The following LAMA2 variants were observed in gnomAD, a reference collection of about 807,000 sequenced individuals.
LAMA2 encodes the protein laminin subunit alpha-2.
LAMA2 carries 269 observed loss-of-function variants against 364.8 expected under a neutral mutation model. That is an observed-to-expected ratio of 0.74 (90% CI 0.67 to 0.82). The LOEUF is 0.82. LAMA2 is among the 40% of genes least tolerant of loss of function. The pLI is 0.00. For missense variants in LAMA2, 3,807 were observed against 3,873.2 expected, an observed-to-expected ratio of 0.98 and a Z score of 0.45; for synonymous variants, 1,379 against 1,370.6, an observed-to-expected ratio of 1.01 and a Z score of -0.14.
In LAMA2 at chr6:129,398,095, G is replaced by A. The variant is rs571920191; in HGVS notation, c.5446-3129G>A. Among the ~76,000 whole-genome samples, 21 of 152,158 alleles carry A rather than the reference G, an allele frequency of 1.4e-4. No homozygotes were observed. The East Asian group carries it at 1.9e-3, about 14-fold the overall frequency. On this transcript the variant is annotated intron_variant, in intron 37 of 64. Coordinates refer to ENST00000421865, the MANE Select transcript of LAMA2 (RefSeq NM_000426.4). ...ATATATAGCTCTTCAATTAACACACGTGTGGAAATATCTTCCCTGTTTCCA... is the reference window on the plus strand; with the variant it reads ...ATATATAGCTCTTCAATTAACACACATGTGGAAATATCTTCCCTGTTTCCA...
chr6:129,355,901 G>C (rs1377061689), intron 32 of LAMA2, among the ~76,000 whole-genome samples: 2 of 152,268 alleles, frequency 1.3e-5, no homozygotes, highest in South Asian at 4.1e-4. Context: ...ACCTAAGCCT[G>C]ATCATTGTGT....
At chr6:128,912,706 AAAAGT>A (rs1462298748) in intron 1 of LAMA2, among the ~76,000 whole-genome samples, 2 of 152,238 alleles carry the variant, frequency 1.3e-5, no homozygotes, top group African/African-American at 4.8e-5. Context: ...TAGTAGGGAA[AAAAGT>A]AAGTGTATGT....
chr6:129,086,026 T>C (rs1328601574), intron 3 of LAMA2, among the ~76,000 whole-genome samples: 1 of 152,198 alleles, frequency 6.6e-6, no homozygotes, highest in African/African-American at 2.4e-5. Flanking sequence ...TTATTTACAC[T>C]CTTCACACTT....
chr6:129,156,786 G>A (rs980840892), intron 8 of LAMA2, among the ~76,000 whole-genome samples: 1 of 152,034 alleles, frequency 6.6e-6, no homozygotes, highest in South Asian at 2.1e-4. Context: ...TTTGGCCTTG[G>A]CATCAGCTTT....
At chr6:129,108,558 C>T (rs1328366581) in intron 4 of LAMA2, among the ~76,000 whole-genome samples, 2 of 151,702 alleles carry the variant, frequency 1.3e-5, no homozygotes, top group Non-Finnish European at 2.9e-5. Context: ...CGCCCCTCTA[C>T]ACACCCCACC....
intron 3 of LAMA2, among the ~76,000 whole-genome samples, chr6:129,077,115 G>A (rs1050415113): frequency 1.3e-5 from 2 of 151,904 alleles, no homozygotes; most frequent in African/African-American, 2.4e-5. Context: ...TACAGTTGTG[G>A]GCTAGAATAT....
At chr6:129,035,319 AGT>A (rs1786556261) in intron 1 of LAMA2, among the ~76,000 whole-genome samples, 1 of 142,340 alleles carries the variant, frequency 7.0e-6, no homozygotes, top group African/African-American at 2.6e-5. Context: ...TTTTTTTAGA[AGT>A]GTCTGTTAAT....
intron 32 of LAMA2, among the ~76,000 whole-genome samples, chr6:129,364,331 C>T (rs1292391144): frequency 6.6e-6 from 1 of 152,102 alleles, no homozygotes; most frequent in Non-Finnish European, 1.5e-5. Flanking sequence ...TGAATTCTTG[C>T]CAAGTTTGGG....
chr6:129,292,713 G>A, intron 20 of LAMA2: 2 of 733,626 alleles, frequency 2.7e-6, no homozygotes, highest in Non-Finnish European at 3.3e-6. Flanking sequence ...CCTTACTGTA[G>A]GAAGTTTGAA....
chr6:129,107,469 A>G (rs759487975), intron 4 of LAMA2, among the ~76,000 whole-genome samples: 13 of 152,260 alleles, frequency 8.5e-5, no homozygotes, highest in Middle Eastern at 3.4e-3. Flanking sequence ...GGCAGAGGCT[A>G]CTGAACAAGA....
chr6:129,404,781 C>T (rs867071324), intron 40 of LAMA2, among the ~76,000 whole-genome samples: 2 of 152,190 alleles, frequency 1.3e-5, no homozygotes, highest in Middle Eastern at 3.4e-3. Flanking sequence ...GAGTGAAATA[C>T]ACATAAGCAG....
rs1382557279 is a variant in LAMA2 at position 129,457,249 on chromosome 6, TA to T, written c.6867+756del. The stretch of plus-strand genomic sequence containing the variant: ...ATGAGGTTATTTTATTTACTTTGAG[TA>T]CGAGATGTGACTCTAAAGTATGAGA... On this transcript the variant is annotated intron_variant, in intron 48 of 64. Transcript: ENST00000421865. Among the ~76,000 whole-genome samples, 25 of 152,244 alleles carry T rather than the reference TA, an allele frequency of 1.6e-4. No homozygotes were observed. The East Asian group carries it at 4.6e-3, about 28-fold the overall frequency.
chr6:128,994,091 G>A (rs1220712803), intron 1 of LAMA2, among the ~76,000 whole-genome samples: 1 of 152,144 alleles, frequency 6.6e-6, no homozygotes, highest in African/African-American at 2.4e-5. Flanking sequence ...GATGGTGATG[G>A]CTGAAGCTGC....
At position 128,960,606 on chromosome 6, in the gene LAMA2, C is replaced by T. The variant is rs376237214; in HGVS notation, c.112+77249C>T. On this transcript the variant is annotated intron_variant, in intron 1 of 64. Coordinates refer to ENST00000421865, the MANE Select transcript of LAMA2 (RefSeq NM_000426.4). ...AACGCCTGACCTCGGGTGATCCACCCGCCTGGTCCTCCCAAAGTGCTGGGA... is the reference window on the plus strand; with the variant it reads ...AACGCCTGACCTCGGGTGATCCACCTGCCTGGTCCTCCCAAAGTGCTGGGA... 5.3e-5 allele frequency among the ~76,000 whole-genome samples: 8 copies of T among 152,288 alleles called. No individual in the cohort carries two copies. In the East Asian group the frequency reaches 5.8e-4, roughly 11 times the overall value.
intron 1 of LAMA2, among the ~76,000 whole-genome samples, chr6:128,961,029 T>C (rs1781456485): frequency 6.6e-6 from 1 of 151,868 alleles, no homozygotes; most frequent in Non-Finnish European, 1.5e-5. Flanking sequence ...TTAACTCAAA[T>C]ATGAACAAGG....
chr6:128,906,584 T>C (rs1467651888), intron 1 of LAMA2, among the ~76,000 whole-genome samples: 1 of 151,320 alleles, frequency 6.6e-6, no homozygotes, highest in Non-Finnish European at 1.5e-5. Flanking sequence ...ATTTTGTAGG[T>C]TGCCTGTTCA....
intron 1 of LAMA2, among the ~76,000 whole-genome samples, chr6:128,906,587 C>T (rs1777487607): frequency 6.6e-6 from 1 of 151,106 alleles, no homozygotes; most frequent in South Asian, 2.1e-4. Flanking sequence ...TTGTAGGTTG[C>T]CTGTTCACTC....
At chr6:129,435,441 A>G (rs1781787277) in intron 41 of LAMA2, among the ~76,000 whole-genome samples, 1 of 152,216 alleles carries the variant, frequency 6.6e-6, no homozygotes, top group African/African-American at 2.4e-5. Context: ...AACAGTAAAA[A>G]TAACAGAAGT....
intron 3 of LAMA2, among the ~76,000 whole-genome samples, chr6:129,061,721 G>T (rs912736336): frequency 1.3e-5 from 2 of 152,140 alleles, no homozygotes; most frequent in African/African-American, 4.8e-5. Flanking sequence ...AATATGCCAA[G>T]ACATATTTTA....
Sources: gnomAD v4.1 joint callset for allele counts (sites outside exome capture counted in the v4.1 genomes callset) on GRCh38, gnomAD v4.1.1 for gene constraint, MANE v1.5 for transcripts, NCBI Gene and HGNC (gene_info 2026-07-23, HGNC 2026-07-21) for gene names.